Variants in ANKRD44 observed in about 807,000 individuals in gnomAD.
The protein encoded by ANKRD44 is serine/threonine-protein phosphatase 6 regulatory ankyrin repeat subunit B.
ANKRD44 carries 35 observed loss-of-function variants against 116.0 expected under a neutral mutation model. That is an observed-to-expected ratio of 0.30 (90% CI 0.23 to 0.40). The LOEUF (loss-of-function observed/expected upper bound fraction) is 0.40. ANKRD44 is among the 10% of genes least tolerant of loss of function. ANKRD44 has a pLI of 1.00. For missense variants in ANKRD44, 1,014 were observed against 1,242.6 expected (o/e 0.82, Z 2.77); for synonymous variants, 435 against 461.8 (o/e 0.94, Z 0.74).
At chr2:197,214,109 A>AT (rs1255682534) in intron 1 of ANKRD44, among the ~76,000 whole-genome samples, 1 of 152,120 alleles carries the variant, frequency 6.6e-6, no homozygotes, top group Non-Finnish European at 1.5e-5. Context: ...TACCCCCATA[A>AT]TTTTTGTGGG....
intron 9 of ANKRD44, among the ~76,000 whole-genome samples, chr2:197,110,168 A>T (rs2078531831): frequency 6.6e-6 from 1 of 151,948 alleles, no homozygotes; most frequent in Non-Finnish European, 1.5e-5. Flanking sequence ...GTAAAGACAG[A>T]GTTTCACCAT....
At chr2:196,967,489 C>A in intron 21 of ANKRD44, 1 of 450,358 alleles carries the variant, frequency 2.2e-6, no homozygotes, top group Non-Finnish European at 4.7e-6. Context: ...AAAAAGTGTG[C>A]AATTATGTTA....
At chr2:197,068,245 A>T (rs2077477878) in intron 16 of ANKRD44, among the ~76,000 whole-genome samples, 1 of 133,652 alleles carries the variant, frequency 7.5e-6, no homozygotes, top group South Asian at 2.6e-4. Context: ...TAGCATTGGG[A>T]GATATACCTA....
At chr2:197,161,378 T>C (rs1440653803) in intron 2 of ANKRD44, among the ~76,000 whole-genome samples, 2 of 152,132 alleles carry the variant, frequency 1.3e-5, no homozygotes, top group Non-Finnish European at 2.9e-5. Context: ...TTTTCCCTTT[T>C]AAAGGGAAAA....
In ANKRD44 at chr2:197,110,853, A is replaced by G; in HGVS notation, c.907-9T>C. Reference sequence around the variant, plus strand: ...CTTTTGCCATCTTTACTCTAAAAAAAAGAGAGGGAGAGAAAAACAATGGAG... The same window carrying G: ...CTTTTGCCATCTTTACTCTAAAAAAGAGAGAGGGAGAGAAAAACAATGGAG... On this transcript the variant is annotated splice_polypyrimidine_tract_variant and intron_variant, in intron 8 of 27. Transcript: ENST00000282272. 7 of 1,612,566 alleles carry G rather than the reference A, an allele frequency of 4.3e-6. No individual in the cohort carries two copies. Among genetic ancestry groups the G allele is most frequent in the Non-Finnish European group, 5.9e-6 (7 of 1,178,578 alleles).
At position 197,212,701 on chromosome 2, in the gene ANKRD44, A is replaced by T. The variant is rs2081352116; in HGVS notation, c.28-25595T>A. ...TCTACATGAGTAAAAATTCTGCATC[A>T]CAGCAACTGCAGTGGTGTCATGTCA... On this transcript the variant is annotated intron_variant, in intron 1 of 27. Coordinates refer to ENST00000282272, the MANE Select transcript of ANKRD44 (RefSeq NM_001195144.2). The surrounding 1 kb of genome is among the most constrained non-coding windows in gnomAD (Gnocchi z 4.8). 6.6e-6 allele frequency among the ~76,000 whole-genome samples: 1 copy of T among 152,214 alleles called. No homozygotes were observed. The highest frequency in any genetic ancestry group is 1.5e-5 in the Non-Finnish European group (1 of 68,030).
At chr2:197,096,230 A>C (rs1263048404) in intron 10 of ANKRD44, among the ~76,000 whole-genome samples, 1 of 152,186 alleles carries the variant, frequency 6.6e-6, no homozygotes, top group Non-Finnish European at 1.5e-5. Flanking sequence ...TAAATTCCTC[A>C]AGGGCAGGGA....
At chr2:197,017,482 A>C (rs1281838346) in intron 17 of ANKRD44, among the ~76,000 whole-genome samples, 1 of 152,238 alleles carries the variant, frequency 6.6e-6, no homozygotes, top group African/African-American at 2.4e-5. Flanking sequence ...GAGTACAGAT[A>C]CATTAAATAT....
chr2:197,017,475 T>A (rs1465226794), intron 17 of ANKRD44, among the ~76,000 whole-genome samples: 1 of 152,062 alleles, frequency 6.6e-6, no homozygotes, highest in Non-Finnish European at 1.5e-5. Context: ...GAATTAAGAG[T>A]ACAGATACAT....
chr2:197,254,747 TAC>T (rs1005612907), intron 1 of ANKRD44, among the ~76,000 whole-genome samples: 2 of 144,960 alleles, frequency 1.4e-5, no homozygotes, highest in Non-Finnish European at 3.0e-5. Context: ...TAGACACACA[TAC>T]ATACACACAC....
chr2:197,176,919 G>GTAT (rs1401001694), intron 2 of ANKRD44, among the ~76,000 whole-genome samples: 2 of 132,128 alleles, frequency 1.5e-5, no homozygotes, highest in Non-Finnish European at 3.2e-5. Flanking sequence ...TGTTTCAAGG[G>GTAT]TATAATAATA....
rs58422226 is a variant in ANKRD44 at position 197,139,648 on chromosome 2, G to GATAT, written c.191-2990_191-2987dup. 9.3e-5 allele frequency among the ~76,000 whole-genome samples: 14 copies of GATAT among 151,300 alleles called. 1 individual carries two copies. Among genetic ancestry groups the GATAT allele is most frequent in the Admixed American group, 3.9e-4 (6 of 15,190 alleles). On this transcript the variant is annotated intron_variant, in intron 3 of 27. Transcript: ENST00000282272. ...ATATATAGATATAGATATAGATATAGATATATATATAGCAAATATGGCAAA... is the reference window on the plus strand; with the variant it reads ...ATATATAGATATAGATATAGATATAGATATATATATATATAGCAAATATGGCAAA...
intron 1 of ANKRD44, among the ~76,000 whole-genome samples, chr2:197,266,193 T>C (rs1574400178): frequency 6.6e-6 from 1 of 151,946 alleles, no homozygotes; most frequent in African/African-American, 2.4e-5. Flanking sequence ...CAGCTGGAGG[T>C]GAAGACTATC....
chr2:197,238,918 T>C (rs971713449), intron 1 of ANKRD44, among the ~76,000 whole-genome samples: 3 of 152,138 alleles, frequency 2.0e-5, no homozygotes, highest in African/African-American at 4.8e-5. Context: ...TTGGCCAGGC[T>C]GGTCTTGAAC....
intron 1 of ANKRD44, among the ~76,000 whole-genome samples, chr2:197,240,680 T>C (rs1481977451): frequency 6.7e-6 from 1 of 150,256 alleles, no homozygotes; most frequent in Non-Finnish European, 1.5e-5. Context: ...TCTACAGCAG[T>C]CTTGAAGCAA....
intron 9 of ANKRD44, among the ~76,000 whole-genome samples, chr2:197,102,691 T>A (rs2078322033): frequency 1.3e-5 from 2 of 152,168 alleles, no homozygotes; most frequent in East Asian, 3.9e-4. Flanking sequence ...ATCTAAACCA[T>A]ATACACATAT....
At chr2:197,090,083 T>G in intron 10 of ANKRD44, 51 bp from the exon 11 acceptor site, 1 of 1,384,678 alleles carries the variant, frequency 7.2e-7, no homozygotes, top group Non-Finnish European at 1.0e-6. Context: ...TCAAGATACA[T>G]GCGGAAGGAC....
chr2:197,081,597 A>C, intron 15 of ANKRD44, 48 bp downstream of exon 15: 1 of 1,547,556 alleles, frequency 6.5e-7, no homozygotes, highest in Non-Finnish European at 8.9e-7. Flanking sequence ...GAAAAGCAGA[A>C]GAAGCGTCAG....
intron 11 of ANKRD44, 85 bp from the exon 12 acceptor site, chr2:197,088,859 C>CAGAAAAATCAGTTAGT: frequency 7.1e-7 from 1 of 1,415,578 alleles, no homozygotes; most frequent in Non-Finnish European, 9.6e-7. Context: ...ATTGCAGAGA[C>CAGAAAAATCAGTTAGT]AGAAAAATCA....
Sources: gnomAD v4.1 joint callset for allele counts (sites outside exome capture counted in the v4.1 genomes callset) on GRCh38, gnomAD v4.1.1 for gene constraint, Gnocchi (gnomAD v3.1) non-coding constraint, MANE v1.5 for transcripts, NCBI Gene and HGNC (gene_info 2026-07-23, HGNC 2026-07-21) for gene names.